Variants in PCDHGB5 observed in about 807,000 individuals in gnomAD.
The protein encoded by PCDHGB5 is protocadherin gamma subfamily B, 5, also known as protocadherin gamma-B5.
A neutral mutation model predicts 62.9 loss-of-function variants in PCDHGB5; 48 were observed. That is an observed-to-expected ratio of 0.76 (90% CI 0.61 to 0.97). The LOEUF is 0.97. PCDHGB5 is among the 50% of genes least tolerant of loss of function. The pLI is 0.00. For missense variants in PCDHGB5, 1,118 were observed against 1,198.6 expected, an observed-to-expected ratio of 0.93 and a Z score of 0.99; for synonymous variants, 474 against 511.2, an observed-to-expected ratio of 0.93 and a Z score of 0.98.
At chr5:141,421,873 T>G (rs1219669838) in intron 1 of PCDHGB5, 3 of 1,613,592 alleles carry the variant, frequency 1.9e-6, no homozygotes, top group Non-Finnish European at 2.5e-6. Context: ...CCTCACAGCT[T>G]TAGATGGAGG....
Position 141,491,944 on chromosome 5 carries a change from C to A in PCDHGB5, c.2398-2863C>A. On this transcript the variant is annotated intron_variant, in intron 1 of 3. Transcript: ENST00000617380. This position sits in a 1 kb window ranked among gnomAD's most constrained non-coding sequence, Gnocchi z 6.9. ...CGAGGGGAGGTGGGACCGACCCCCA[C>A]CCCTACACTCAAAAAAGGCCGGGGC... 2 of 1,120,270 alleles carry A rather than the reference C, an allele frequency of 1.8e-6. No individual in the cohort carries two copies. Among genetic ancestry groups the A allele is most frequent in the Non-Finnish European group, 2.4e-6 (2 of 822,060 alleles). The allele number at this position is 1,120,270 out of a possible 1,614,324, so 69.4% of individuals were successfully genotyped here.
chr5:141,447,123 TTTTG>T (rs1327676720), intron 1 of PCDHGB5, among the ~76,000 whole-genome samples: 7 of 152,278 alleles, frequency 4.6e-5, no homozygotes, highest in African/African-American at 1.4e-4. Context: ...CCATGGATTT[TTTTG>T]TTTGTTTGTT....
intron 1 of PCDHGB5, chr5:141,428,599 A>G (rs1324155257): frequency 8.9e-6 from 2 of 223,902 alleles, no homozygotes; most frequent in Non-Finnish European, 1.8e-5. Context: ...AGCAAGCTTC[A>G]CTGAAGAGAA....
At chr5:141,463,335 A>G (rs565781645) in intron 1 of PCDHGB5, among the ~76,000 whole-genome samples, 3 of 149,628 alleles carry the variant, frequency 2.0e-5, no homozygotes, top group South Asian at 2.1e-4. Context: ...CAGCAAAACC[A>G]TGGTGTTATT....
intron 1 of PCDHGB5, chr5:141,419,579 C>A: frequency 6.2e-7 from 1 of 1,611,812 alleles, no homozygotes; most frequent in Non-Finnish European, 8.5e-7. Flanking sequence ...CGGCTCCGCG[C>A]TCTTCGACAC....
At chr5:141,403,348 G>C (rs1031512427) in intron 1 of PCDHGB5, 2 of 1,614,052 alleles carry the variant, frequency 1.2e-6, no homozygotes, top group Middle Eastern at 1.6e-4. Flanking sequence ...GCGCCCCAAA[G>C]TTCCAGGCCG....
At chr5:141,403,738 T>G in intron 1 of PCDHGB5, 3 of 1,613,930 alleles carry the variant, frequency 1.9e-6, no homozygotes, top group Admixed American at 3.3e-5. Context: ...CCTGGCTGCT[T>G]ACTGCAACAG....
At chr5:141,510,824 A>G (rs947400590) in intron 3 of PCDHGB5, 123 bp from the exon 4 acceptor site, 2 of 1,563,416 alleles carry the variant, frequency 1.3e-6, no homozygotes, top group Non-Finnish European at 1.7e-6. Flanking sequence ...CTATATTCCC[A>G]GTGCTCAGCG....
At position 141,400,101 on chromosome 5, in the gene PCDHGB5, G is replaced by A. The variant is rs778391200; in HGVS notation, c.1974G>A (p.Leu658=). The A allele has an allele frequency of 8.1e-6, 13 of 1,613,948 alleles. No homozygotes were observed. The East Asian group carries it at 2.9e-4, about 36-fold the overall frequency. ...TCTCCGCCACCGCCACGCTGCACTT[G>A]GTCTTTGCTGACAGCTTGCAGGAGG... ...PPLSATATLH[L]VFADSLQEVL... is the part of the protein sequence containing the mutation. The change falls in exon 1 of 4, where the codon TTG becomes TTA. Residue 658 remains leucine (L), a synonymous_variant. Coordinates refer to ENST00000617380, the MANE Select transcript of PCDHGB5 (RefSeq NM_018925.3).
Position 141,420,935 on chromosome 5 carries a change from A to G in PCDHGB5, c.2397+20411A>G, listed in dbSNP as rs542779087. ...GTGATTCACAAAGGTGAGCGTAATCATTTCTTCTGGAATTTCTTAGTCGTT... is the reference window on the plus strand; with the variant it reads ...GTGATTCACAAAGGTGAGCGTAATCGTTTCTTCTGGAATTTCTTAGTCGTT... On this transcript the variant is annotated intron_variant, in intron 1 of 3. Coordinates refer to ENST00000617380, the MANE Select transcript of PCDHGB5 (RefSeq NM_018925.3). 2.6e-5 allele frequency: 10 copies of G among 380,486 alleles called. 1 individual carries two copies. Among genetic ancestry groups the G allele is most frequent in the African/African-American group, 1.7e-4 (8 of 47,720 alleles). The allele number at this position is 380,486 out of a possible 1,614,324, so 23.6% of individuals were successfully genotyped here.
intron 1 of PCDHGB5, among the ~76,000 whole-genome samples, chr5:141,455,808 A>G (rs2098832210): frequency 6.6e-6 from 1 of 152,050 alleles, no homozygotes; most frequent in Non-Finnish European, 1.5e-5. Flanking sequence ...TAAAAAATGA[A>G]AACTTCCCAA....
chr5:141,435,108 G>A lies in PCDHGB5; in HGVS notation c.2397+34584G>A, dbSNP rs1027955145. ...AACTGATCTGTTTATCTAGGGGGGA[G>A]AAATCTAATTCAATGGAAAATATAA... On this transcript the variant is annotated intron_variant, in intron 1 of 3. Transcript: ENST00000617380. Among the ~76,000 whole-genome samples, 3 of 152,144 alleles carry A rather than the reference G, an allele frequency of 2.0e-5. No homozygotes were observed. In the South Asian group the frequency reaches 6.2e-4, roughly 32 times the overall value.
chr5:141,504,705 T>C (rs960774850), intron 2 of PCDHGB5, among the ~76,000 whole-genome samples: 19 of 151,608 alleles, frequency 1.3e-4, no homozygotes, highest in Middle Eastern at 3.4e-3. Flanking sequence ...GGTTCTTCTA[T>C]GGCCGTGGAT....
chr5:141,400,780 T>C, intron 1 of PCDHGB5: 1 of 566,270 alleles, frequency 1.8e-6, no homozygotes, highest in Non-Finnish European at 3.1e-6. Context: ...TGGTGCGTTT[T>C]TTTGTCCTCT....
intron 1 of PCDHGB5, chr5:141,419,261 G>A (rs758952830): frequency 1.3e-5 from 21 of 1,613,864 alleles, no homozygotes; most frequent in Non-Finnish European, 1.7e-5. Context: ...CAACCAGCCG[G>A]GTGCCTCCAT....
At chr5:141,419,413 C>T (rs568417008) in intron 1 of PCDHGB5, 4 of 1,613,444 alleles carry the variant, frequency 2.5e-6, no homozygotes, top group African/African-American at 1.3e-5. Flanking sequence ...TCGCGCAGCG[C>T]GCCTTCGACC....
Position 141,432,254 on chromosome 5 carries a change from G to A in PCDHGB5, c.2397+31730G>A, listed in dbSNP as rs935437220. 6.2e-7 allele frequency: 1 copy of A among 1,614,242 alleles called. No homozygotes were observed. The highest frequency in any genetic ancestry group is 8.5e-7 in the Non-Finnish European group (1 of 1,180,050). ...CCTGGCTGAGAACACCATCCAAGGG[G>A]CAAGCCTATCGTCCTACGTGTCCAT... On this transcript the variant is annotated intron_variant, in intron 1 of 3. Transcript: ENST00000617380. The surrounding 1 kb of genome is among the most constrained non-coding windows in gnomAD (Gnocchi z 6.0).
At chr5:141,482,530 C>CAAAAAA (rs3074545) in intron 1 of PCDHGB5, among the ~76,000 whole-genome samples, 68 of 76,370 alleles carry the variant, frequency 8.9e-4, no homozygotes, top group African/African-American at 1.2e-3. Context: ...GACAGACATG[C>CAAAAAA]AAAAAAAAAA....
chr5:141,511,351 C>T lies in PCDHGB5; in HGVS notation c.*178C>T. The T allele has an allele frequency of 3.6e-6, 5 of 1,386,550 alleles. No individual in the cohort carries two copies. Among genetic ancestry groups the T allele is most frequent in the South Asian group, 1.5e-5 (1 of 67,154 alleles). The allele number at this position is 1,386,550 out of a possible 1,614,324, so 85.9% of individuals were successfully genotyped here. On this transcript the variant is annotated 3_prime_UTR_variant, in exon 4 of 4. Transcript: ENST00000617380. ...CCAGTCAGCACCTACCCCTTCCCCC[C>T]CAGGGGGTTGAATATGCAAAAGCAG...
Sources: gnomAD v4.1 joint callset for allele counts (sites outside exome capture counted in the v4.1 genomes callset) on GRCh38, gnomAD v4.1.1 for gene constraint, Gnocchi (gnomAD v3.1) non-coding constraint, MANE v1.5 for transcripts, NCBI Gene and HGNC (gene_info 2026-07-23, HGNC 2026-07-21) for gene names.